Variants in LRFN5 observed in about 807,000 individuals in gnomAD.
The protein encoded by LRFN5 is leucine rich repeat and fibronectin type III domain containing 5.
In LRFN5, 24 loss-of-function variants were observed where a neutral mutation model predicts 45.6. That is an observed-to-expected ratio of 0.53 (90% CI 0.38 to 0.74). The LOEUF (loss-of-function observed/expected upper bound fraction) is 0.74, where lower values mean the gene tolerates loss of function less well. Among genes scored for constraint, LRFN5 ranks in the 30% least tolerant of loss-of-function variants. The pLI is 0.00. For missense variants in LRFN5, 776 were observed against 861.5 expected (o/e 0.90, Z 1.24); for synonymous variants, 340 against 313.8 (o/e 1.08, Z -0.88).
chr14:41,853,597 A>G (rs1451323244), intron 2 of LRFN5, among the ~76,000 whole-genome samples: 2 of 152,086 alleles, frequency 1.3e-5, no homozygotes, highest in Non-Finnish European at 2.9e-5. Context: ...GATATATTAT[A>G]TTTGAGATAT....
chr14:41,833,427 T>A (rs1888552523), intron 2 of LRFN5, among the ~76,000 whole-genome samples: 1 of 152,202 alleles, frequency 6.6e-6, no homozygotes, highest in South Asian at 2.1e-4. Context: ...CCAATTATAT[T>A]ATTTCAAATC....
At chr14:41,698,262 C>G (rs1882697695) in intron 1 of LRFN5, among the ~76,000 whole-genome samples, 1 of 151,966 alleles carries the variant, frequency 6.6e-6, no homozygotes, top group Non-Finnish European at 1.5e-5. Flanking sequence ...TATGATAAAG[C>G]CTTCTTATTA....
intron 4 of LRFN5, among the ~76,000 whole-genome samples, chr14:41,898,206 C>G (rs1594507565): frequency 1.3e-5 from 2 of 152,118 alleles, no homozygotes; most frequent in African/African-American, 4.8e-5. Context: ...AGTTTTCTAT[C>G]ATGTGTCACT....
At chr14:41,861,696 T>C (rs184818592) in intron 2 of LRFN5, among the ~76,000 whole-genome samples, 1 of 152,310 alleles carries the variant, frequency 6.6e-6, no homozygotes, top group East Asian at 1.9e-4. Context: ...ATAGCTCTCA[T>C]GTGAGATACG....
chr14:41,630,220 G>A (rs1376609772), intron 1 of LRFN5, among the ~76,000 whole-genome samples: 2 of 152,048 alleles, frequency 1.3e-5, no homozygotes, highest in African/African-American at 4.8e-5. Context: ...AAGAAGTAAG[G>A]GGAAGAGCTA....
At chr14:41,676,578 C>T (rs1481929274) in intron 1 of LRFN5, among the ~76,000 whole-genome samples, 1 of 152,006 alleles carries the variant, frequency 6.6e-6, no homozygotes, top group East Asian at 1.9e-4. Context: ...AAGAAGAACC[C>T]TCCTAGGTTT....
Position 41,806,098 on chromosome 14 carries a change from T to G in LRFN5, c.-21+39069T>G, listed in dbSNP as rs926182066. Among the ~76,000 whole-genome samples, 11 of 152,178 alleles carry G rather than the reference T, an allele frequency of 7.2e-5. No individual in the cohort carries two copies. In the South Asian group the frequency reaches 2.3e-3, roughly 32 times the overall value. ...AAATATATTTTGGTGTAAAATATTT[T>G]TATTCCTTTCACTAGCTCATCTTGG... On this transcript the variant is annotated intron_variant, in intron 2 of 5. Coordinates refer to ENST00000298119, the MANE Select transcript of LRFN5 (RefSeq NM_152447.5).
chr14:41,891,831 AG>A lies in LRFN5; in HGVS notation c.1968del (p.Asn657MetfsTer22). The A allele has an allele frequency of 6.2e-7, 1 of 1,614,208 alleles. No homozygotes were observed. Among genetic ancestry groups the A allele is most frequent in the Non-Finnish European group, 8.5e-7 (1 of 1,180,040 alleles). On this transcript the variant is annotated frameshift_variant, in exon 4 of 6. Transcript: ENST00000298119. LOFTEE classifies it high-confidence loss of function. ...KTGTKPSTEP[Q>X]NEAVTNVESQ... Reference sequence around the variant, plus strand: ...GGCACAAAGCCAAGTACAGAACCACAGAATGAAGCCGTCACAAATGTTGAAT... The same window carrying A: ...GGCACAAAGCCAAGTACAGAACCACAAATGAAGCCGTCACAAATGTTGAAT...
intron 2 of LRFN5, among the ~76,000 whole-genome samples, chr14:41,768,842 TC>T (rs1348345666): frequency 6.6e-6 from 1 of 152,154 alleles, no homozygotes; most frequent in Non-Finnish European, 1.5e-5. Flanking sequence ...CAAAGTAAAT[TC>T]AAACACATTT....
chr14:41,768,933 A>C (rs1258738571), intron 2 of LRFN5, among the ~76,000 whole-genome samples: 1 of 152,172 alleles, frequency 6.6e-6, no homozygotes, highest in African/African-American at 2.4e-5. Flanking sequence ...GAAATAATTT[A>C]TATGTTGAAA....
In LRFN5 at chr14:41,891,487, G is replaced by A. The variant is rs1349971957; in HGVS notation, c.1623G>A (p.Val541=). The A allele has an allele frequency of 6.2e-7, 1 of 1,614,028 alleles. No homozygotes were observed. Among genetic ancestry groups the A allele is most frequent in the Non-Finnish European group, 8.5e-7 (1 of 1,180,026 alleles). ...IIIGGIIVAS[V]LVFIIILMIR... The stretch of plus-strand genomic sequence containing the variant: ...TTGGTGGAATCATTGTAGCATCTGT[G>A]CTGGTATTCATCATTATTCTGATGA... Residue 541 remains valine (V), a synonymous_variant, in exon 4 of 6, where the codon GTG becomes GTA. Coordinates refer to ENST00000298119, the MANE Select transcript of LRFN5 (RefSeq NM_152447.5).
intron 2 of LRFN5, among the ~76,000 whole-genome samples, chr14:41,771,130 C>G (rs1304834541): frequency 6.6e-6 from 1 of 151,320 alleles, no homozygotes; most frequent in Non-Finnish European, 1.5e-5. Flanking sequence ...AGCAATATCT[C>G]AAGGCTGCTC....
intron 1 of LRFN5, among the ~76,000 whole-genome samples, chr14:41,716,144 C>G (rs889590714): frequency 6.6e-5 from 10 of 152,216 alleles, no homozygotes. Flanking sequence ...GCACGGGGAC[C>G]CTGGGACTGG....
chr14:41,621,169 C>G (rs1006707952), intron 1 of LRFN5, among the ~76,000 whole-genome samples: 3 of 151,970 alleles, frequency 2.0e-5, no homozygotes, highest in Admixed American at 6.6e-5. Context: ...TATGAAAGAG[C>G]CTTTGAAAAA....
chr14:41,636,563 A>G (rs1484162821), intron 1 of LRFN5, among the ~76,000 whole-genome samples: 2 of 151,926 alleles, frequency 1.3e-5, no homozygotes, highest in Non-Finnish European at 2.9e-5. Flanking sequence ...ATGTATACAT[A>G]TGTAACAAAC....
chr14:41,809,836 T>A (rs862538), intron 2 of LRFN5, among the ~76,000 whole-genome samples: 13 of 151,716 alleles, frequency 8.6e-5, no homozygotes, highest in Middle Eastern at 3.4e-3. Flanking sequence ...CTAAAAATAC[T>A]GTACACTCCT....
rs138417169 is a variant in LRFN5 at position 41,891,410 on chromosome 14, C to G, written c.1546C>G (p.Arg516Gly). ...IQFTTEQDYV[R>G]CHFMQSQFLG... ...GTTTACTACGGAACAGGATTATGTG[C>G]GTTGCCATTTCATGCAGTCTCAGTT... Residue 516 changes from arginine (R) to glycine (G), a missense_variant, in exon 4 of 6, where the codon CGT becomes GGT. Physicochemically the swap from Arg to Gly is moderately radical, Grantham distance 125. This residue lies in a region of LRFN5 where 465 missense variants were observed against 456.4 expected (regional missense o/e 1.02). Transcript: ENST00000298119. 2 of 1,614,032 alleles carry G rather than the reference C, an allele frequency of 1.2e-6. No homozygotes were observed. Among genetic ancestry groups the G allele is most frequent in the African/African-American group, 2.7e-5 (2 of 74,980 alleles).
At chr14:41,901,718 G>C (rs185538296) in intron 5 of LRFN5, among the ~76,000 whole-genome samples, 129 of 152,046 alleles carry the variant, frequency 8.5e-4, no homozygotes, top group African/African-American at 2.5e-3. Context: ...CACAGGGTTA[G>C]GAAAATACAT....
intron 1 of LRFN5, among the ~76,000 whole-genome samples, chr14:41,697,730 A>G (rs1366311576): frequency 6.6e-6 from 1 of 151,504 alleles, no homozygotes; most frequent in Non-Finnish European, 1.5e-5. Context: ...CTCCTACTTA[A>G]GATATGACTA....
Sources: gnomAD v4.1 joint callset for allele counts (sites outside exome capture counted in the v4.1 genomes callset) on GRCh38, gnomAD v4.1.1 for gene constraint, gnomAD v4.1.1 regional missense constraint, MANE v1.5 for transcripts, NCBI Gene and HGNC (gene_info 2026-07-23, HGNC 2026-07-21) for gene names.